Variants in SLC24A2 observed in about 807,000 individuals in gnomAD.
SLC24A2 encodes sodium/potassium/calcium exchanger 2.
A neutral mutation model predicts 62.0 loss-of-function variants in SLC24A2; 36 were observed. The ratio of observed to expected loss-of-function variants is 0.58; its 90% CI spans 0.44 to 0.77. SLC24A2 has a LOEUF of 0.77. Among genes scored for constraint, SLC24A2 ranks in the 30% least tolerant of loss-of-function variants. The probability of loss-of-function intolerance (pLI) is 0.00; values close to 1 mark genes in which losing one functional copy is unlikely to be tolerated. For synonymous variants in SLC24A2, 358 were observed against 294.0 expected (o/e 1.22, Z -2.23); for missense variants, 846 against 817.9 (o/e 1.03, Z -0.42).
chr9:20,259,163 G>A, the SLC24A2 span, among the ~76,000 whole-genome samples: 2 of 152,132 alleles, frequency 1.3e-5, no homozygotes, highest in Non-Finnish European at 2.9e-5. Context: ...CATGAAAACA[G>A]ATTCTCCCCT....
chr9:20,266,266 C>T, the SLC24A2 span, among the ~76,000 whole-genome samples: 1 of 152,170 alleles, frequency 6.6e-6, no homozygotes, highest in South Asian at 2.1e-4. Flanking sequence ...ACGGAACCTA[C>T]TGACATGTGA....
At chr9:20,213,520 C>T in the SLC24A2 span, among the ~76,000 whole-genome samples, 1 of 151,968 alleles carries the variant, frequency 6.6e-6, no homozygotes, top group African/African-American at 2.4e-5. Context: ...AATGTATATT[C>T]ACACATAAAA....
chr9:19,735,144 G>T (rs1311019606), intron 2 of SLC24A2, among the ~76,000 whole-genome samples: 3 of 151,296 alleles, frequency 2.0e-5, no homozygotes, highest in Non-Finnish European at 4.4e-5. Context: ...AATCTACAAA[G>T]AACTCAAACA....
At chr9:19,573,262 G>A in intron 7 of SLC24A2, 89 bp downstream of exon 7, 1 of 885,902 alleles carries the variant, frequency 1.1e-6, no homozygotes, top group African/African-American at 1.6e-5. Flanking sequence ...GAGAGCTGGG[G>A]CTTCCAAGGA....
chr9:19,778,867 G>A (rs1301086054), intron 2 of SLC24A2, among the ~76,000 whole-genome samples: 1 of 151,988 alleles, frequency 6.6e-6, no homozygotes, highest in Admixed American at 6.6e-5. Context: ...TATCAACAAT[G>A]AAATACAAAA....
the SLC24A2 span, among the ~76,000 whole-genome samples, chr9:20,109,093 C>A: frequency 6.6e-6 from 1 of 152,054 alleles, no homozygotes; most frequent in African/African-American, 2.4e-5. Flanking sequence ...ACTTGTAGCC[C>A]AGGAGTGACA....
chr9:19,527,116 A>G (rs1040051308), intron 9 of SLC24A2, among the ~76,000 whole-genome samples: 30 of 152,174 alleles, frequency 2.0e-4, no homozygotes, highest in Non-Finnish European at 4.4e-4. Flanking sequence ...ACATGTTCTC[A>G]GTATATATTT....
At chr9:19,527,980 A>T in intron 9 of SLC24A2, 69 bp downstream of exon 9, 1 of 984,698 alleles carries the variant, frequency 1.0e-6, no homozygotes, top group African/African-American at 1.6e-5. Context: ...AGCAAACACA[A>T]TGATTAAACA....
Position 19,650,409 on chromosome 9 carries a change from C to T in SLC24A2, c.931-28110G>A, listed in dbSNP as rs138277742. Among the ~76,000 whole-genome samples the T allele has an allele frequency of 9.2e-5, 14 of 152,270 alleles. No individual in the cohort carries two copies. In the East Asian group the frequency reaches 2.7e-3, roughly 29 times the overall value. ...CACTTAAGTAGGGATCACACGAAGA[C>T]CAAGAAGAACAACCCAGTGAGTGAC... is the stretch of plus-strand genomic sequence containing the variant. On this transcript the variant is annotated intron_variant, in intron 2 of 10. Coordinates refer to ENST00000341998, the MANE Select transcript of SLC24A2 (RefSeq NM_020344.4).
At chr9:20,225,567 T>C in the SLC24A2 span, among the ~76,000 whole-genome samples, 1 of 128,906 alleles carries the variant, frequency 7.8e-6, no homozygotes, top group South Asian at 2.8e-4. Context: ...ATATTATATA[T>C]ATATATAATT....
At chr9:19,865,306 C>T in the SLC24A2 span, among the ~76,000 whole-genome samples, 1 of 152,066 alleles carries the variant, frequency 6.6e-6, no homozygotes, top group African/African-American at 2.4e-5. Context: ...ATACCAATAA[C>T]ATTCTTCACA....
At chr9:20,074,648 T>G in the SLC24A2 span, among the ~76,000 whole-genome samples, 575 of 37,360 alleles carry the variant, frequency 0.015, no homozygotes, top group Admixed American at 0.033. Flanking sequence ...GGGAAGGGGG[T>G]GAGGGGGAGG....
chr9:19,560,876 CATTTGTGT>C (rs1835354129), intron 7 of SLC24A2, among the ~76,000 whole-genome samples: 1 of 122,848 alleles, frequency 8.1e-6, no homozygotes. Context: ...AATGTCTTTG[CATTTGTGT>C]GTGTGTGTGT....
At chr9:19,715,156 A>G (rs1820822869) in intron 2 of SLC24A2, among the ~76,000 whole-genome samples, 1 of 152,174 alleles carries the variant, frequency 6.6e-6, no homozygotes, top group Non-Finnish European at 1.5e-5. Flanking sequence ...GTATTTCCCA[A>G]TGTCAAGCTT....
At chr9:20,110,800 T>C in the SLC24A2 span, among the ~76,000 whole-genome samples, 1 of 152,206 alleles carries the variant, frequency 6.6e-6, no homozygotes, top group Non-Finnish European at 1.5e-5. Flanking sequence ...CTTTCCTTCC[T>C]CTGGTTTTGA....
the SLC24A2 span, among the ~76,000 whole-genome samples, chr9:20,060,276 G>A: frequency 6.6e-6 from 1 of 152,162 alleles, no homozygotes; most frequent in East Asian, 1.9e-4. Flanking sequence ...AAAAATAGAA[G>A]AGAACGGAAC....
the SLC24A2 span, among the ~76,000 whole-genome samples, chr9:20,202,494 C>T: frequency 6.6e-6 from 1 of 152,084 alleles, no homozygotes. Context: ...GGCTGTTTGC[C>T]AGGTGGGAAA....
At chr9:20,027,196 TTGG>T in the SLC24A2 span, among the ~76,000 whole-genome samples, 1 of 152,106 alleles carries the variant, frequency 6.6e-6, no homozygotes, top group Non-Finnish European at 1.5e-5. Flanking sequence ...TTGTACACTC[TTGG>T]TGGGAATGTA....
chr9:20,306,278 G>T, the SLC24A2 span, among the ~76,000 whole-genome samples: 1 of 152,136 alleles, frequency 6.6e-6, no homozygotes, highest in African/African-American at 2.4e-5. Context: ...CACGAAATTG[G>T]CAACTTCTGT....
Sources: gnomAD v4.1 joint callset for allele counts (sites outside exome capture counted in the v4.1 genomes callset) on GRCh38, gnomAD v4.1.1 for gene constraint, MANE v1.5 for transcripts, NCBI Gene and HGNC (gene_info 2026-07-23, HGNC 2026-07-21) for gene names.